The following MCM7 variants were observed in gnomAD, a reference collection of about 807,000 sequenced individuals.
The protein encoded by MCM7 is DNA replication licensing factor MCM7.
Under a neutral mutation model 83.5 loss-of-function variants are expected in MCM7, and 95 were observed. The ratio of observed to expected loss-of-function variants is 1.14; its 90% CI spans 0.96 to 1.35. The LOEUF (loss-of-function observed/expected upper bound fraction) is 1.35. MCM7 is among the 40% of genes most tolerant of loss of function. The probability of loss-of-function intolerance (pLI) is 0.00; values close to 1 mark genes in which losing one functional copy is unlikely to be tolerated. For synonymous variants in MCM7, 461 were observed against 352.7 expected (o/e 1.31, Z -3.44); for missense variants, 1,087 against 957.4 (o/e 1.14, Z -1.79).
Position 100,092,938 on chromosome 7 carries a change from A to C in MCM7, c.2154T>G (p.Phe718Leu), listed in dbSNP as rs765799672. 6.2e-7 allele frequency: 1 copy of C among 1,614,230 alleles called. No homozygotes were observed. Among genetic ancestry groups the C allele is most frequent in the South Asian group, 1.1e-5 (1 of 91,088 alleles). ...QVNASRTRIT[F>L]V ...GGTTGCAAGCAGGCTGGAATCAGAC[A>C]AAAGTGATCCGTGTCCGGGAAGCAT... is the stretch of plus-strand genomic sequence containing the variant. Residue 718 changes from phenylalanine to leucine, a missense_variant, in exon 15 of 15, where the codon TTT becomes TTG. Transcript: ENST00000303887.
chr7:100,096,199 A>G (rs1224062135), intron 10 of MCM7, 32 bp from the exon 11 acceptor site: 1 of 1,521,782 alleles, frequency 6.6e-7, no homozygotes, highest in Non-Finnish European at 8.8e-7. Context: ...ACCATGAGAG[A>G]GAAAGAACAA....
intron 2 of MCM7, 97 bp downstream of exon 2, chr7:100,099,917 C>G (rs1795864957): frequency 7.0e-7 from 1 of 1,436,880 alleles, no homozygotes; most frequent in Non-Finnish European, 9.7e-7. Context: ...CCCTCAAACC[C>G]TCTAATTGTT....
chr7:100,096,224 A>G lies in MCM7; in HGVS notation c.1202-57T>C, dbSNP rs962446733. On this transcript the variant is annotated intron_variant, in intron 10 of 14. Transcript: ENST00000303887. ...AGAAAGAACAAGAAAGAGAACAAGC[A>G]AAAGACAACAAACGGGCCAGGGAGG... is the stretch of plus-strand genomic sequence containing the variant. 1.4e-5 allele frequency: 21 copies of G among 1,498,846 alleles called. No homozygotes were observed. In the Admixed American group the frequency reaches 2.5e-4, roughly 18 times the overall value. 92.8% of individuals were successfully genotyped at this position (1,498,846 alleles called of 1,614,324 possible). A position where few individuals can be genotyped will look rare whatever the true frequency, so the allele number is the denominator to read the frequency against.
At position 100,099,588 on chromosome 7, in the gene MCM7, C is replaced by T. The variant is rs1432148444; in HGVS notation, c.276+1G>A. On this transcript the variant is annotated splice_donor_variant, in intron 3 of 14. Coordinates refer to ENST00000303887, the MANE Select transcript of MCM7 (RefSeq NM_005916.5). LOFTEE classifies it high-confidence loss of function. ...TTTGCCATTGTTCTCTAACCACTCA[C>T]TTCCCTCTCCTTGTACTGAGGCAGC... The T allele has an allele frequency of 6.2e-7, 1 of 1,613,622 alleles. No individual in the cohort carries two copies. The highest frequency in any genetic ancestry group is 1.3e-5 in the African/African-American group (1 of 74,906).
Position 100,098,460 on chromosome 7 carries a change from C to T in MCM7, c.720+118G>A, listed in dbSNP as rs1795760811. The T allele has an allele frequency of 3.3e-6, 5 of 1,517,718 alleles. No individual in the cohort carries two copies. The African/African-American group carries it at 4.1e-5, about 13-fold the overall frequency. 94.0% of individuals were successfully genotyped at this position (1,517,718 alleles called of 1,614,324 possible). On this transcript the variant is annotated intron_variant, in intron 6 of 14. Transcript: ENST00000303887. ...CAAGGCTCCCAGGAAATTCTAGTTC[C>T]ACCTCCCTCCTGCACTTCCCTCTTT...
In MCM7 at chr7:100,101,262, A is replaced by C. The variant is rs1418448760; in HGVS notation, c.31+2T>G. The C allele has an allele frequency of 6.2e-7, 1 of 1,613,060 alleles. No homozygotes were observed. Among genetic ancestry groups the C allele is most frequent in the South Asian group, 1.1e-5 (1 of 91,086 alleles). On this transcript the variant is annotated splice_donor_variant, in intron 1 of 14. Coordinates refer to ENST00000303887, the MANE Select transcript of MCM7 (RefSeq NM_005916.5). LOFTEE classifies it high-confidence loss of function. Reference sequence around the variant, plus strand: ...CGCCCTCCCGGGCTCGTAGACCCGTACCCTTCTCTAGCGCGTAGTCCTTCA... The same window carrying C: ...CGCCCTCCCGGGCTCGTAGACCCGTCCCCTTCTCTAGCGCGTAGTCCTTCA...
intron 10 of MCM7, among the ~76,000 whole-genome samples, chr7:100,097,082 A>C (rs1287940195): frequency 6.6e-6 from 1 of 152,180 alleles, no homozygotes; most frequent in African/African-American, 2.4e-5. Context: ...GCCTGGGCGA[A>C]AGAGCAAGCC....
Position 100,101,254 on chromosome 7 carries a change from A to G in MCM7, c.31+10T>C. On this transcript the variant is annotated intron_variant, in intron 1 of 14. Coordinates refer to ENST00000303887, the MANE Select transcript of MCM7 (RefSeq NM_005916.5). Reference sequence around the variant, plus strand: ...GCGCAGGACGCCCTCCCGGGCTCGTAGACCCGTACCCTTCTCTAGCGCGTA... The same window carrying G: ...GCGCAGGACGCCCTCCCGGGCTCGTGGACCCGTACCCTTCTCTAGCGCGTA... The G allele has an allele frequency of 6.2e-7, 1 of 1,613,104 alleles. No homozygotes were observed.
chr7:100,094,005 G>T, intron 13 of MCM7, 168 bp downstream of exon 13: 1 of 888,658 alleles, frequency 1.1e-6, no homozygotes, highest in East Asian at 2.4e-5. Flanking sequence ...TGCTGGAGCA[G>T]CAAGTACCCA....
intron 5 of MCM7, 150 bp downstream of exon 5, chr7:100,098,873 G>A (rs868352739): frequency 6.8e-6 from 9 of 1,332,032 alleles, no homozygotes; most frequent in Non-Finnish European, 9.2e-6. Flanking sequence ...CCAGAAAATA[G>A]GTAGAAAGAC....
chr7:100,093,123 G>A lies in MCM7; in HGVS notation c.1969C>T (p.Pro657Ser), dbSNP rs1314985449. The change falls in exon 15 of 15, where the codon CCA becomes TCA. Residue 657 changes from proline (P) to serine (S), a missense_variant. Coordinates refer to ENST00000303887, the MANE Select transcript of MCM7 (RefSeq NM_005916.5). ...ACGGTGGCAAATATCACATCTGCTG[G>A]TCTCTGAGTCCTGAAGGAAATGAGT... The part of the protein sequence containing the change: ...DKGQTARTQR[P>S]ADVIFATVRE... 5 of 1,613,770 alleles carry A rather than the reference G, an allele frequency of 3.1e-6. No homozygotes were observed. The highest frequency in any genetic ancestry group is 1.1e-5 in the South Asian group (1 of 91,058).
Position 100,092,979 on chromosome 7 carries a change from T to A in MCM7, c.2113A>T (p.Asn705Tyr). 6 of 1,614,142 alleles carry A rather than the reference T, an allele frequency of 3.7e-6. No homozygotes were observed. The highest frequency in any genetic ancestry group is 5.1e-6 in the Non-Finnish European group (6 of 1,180,014). Residue 705 changes from asparagine (N) to tyrosine (Y), a missense_variant, in exon 15 of 15, where the codon AAT becomes TAT. Coordinates refer to ENST00000303887, the MANE Select transcript of MCM7 (RefSeq NM_005916.5). ...QAALDEYEELNVWQVNASRTR... is the reference protein window; with the variant it reads ...QAALDEYEELYVWQVNASRTR... ...CGGGAAGCATTGACCTGCCAGACATTGAGCTCCTCATATTCATCCAGAGCC... is the reference window on the plus strand; with the variant it reads ...CGGGAAGCATTGACCTGCCAGACATAGAGCTCCTCATATTCATCCAGAGCC...
chr7:100,097,294 T>C lies in MCM7; in HGVS notation c.1201+7A>G. ...ATATTCACCTCCCGCAAAGCCCAAC[T>C]ACTTACTGCGAGGCGCCAGTCGATC... On this transcript the variant is annotated splice_region_variant and intron_variant, in intron 10 of 14. Coordinates refer to ENST00000303887, the MANE Select transcript of MCM7 (RefSeq NM_005916.5). The C allele has an allele frequency of 6.2e-7, 1 of 1,613,806 alleles. No individual in the cohort carries two copies. Among genetic ancestry groups the C allele is most frequent in the East Asian group, 2.2e-5 (1 of 44,874 alleles).
Position 100,097,609 on chromosome 7 carries a change from C to T in MCM7, c.1117+5G>A, listed in dbSNP as rs1458843270. ...ACCCTGAGCCTCTCCCTTGTTTCTT[C>T]TTACCCCGGATTTTCATGCCTCGAG... On this transcript the variant is annotated splice_donor_5th_base_variant and intron_variant, in intron 9 of 14. Transcript: ENST00000303887. The T allele has an allele frequency of 6.2e-7, 1 of 1,613,558 alleles. No homozygotes were observed. Among genetic ancestry groups the T allele is most frequent in the South Asian group, 1.1e-5 (1 of 91,056 alleles).
At chr7:100,100,686 C>T (rs971543652) in intron 1 of MCM7, 1 of 990,080 alleles carries the variant, frequency 1.0e-6, no homozygotes, top group Non-Finnish European at 1.2e-6. Flanking sequence ...AGCTCCGGAT[C>T]CCAGGCACGC....
Position 100,099,322 on chromosome 7 carries a change from G to A in MCM7, c.358C>T (p.Arg120Ter), listed in dbSNP as rs779455612. 3.7e-6 allele frequency: 6 copies of A among 1,613,562 alleles called. No homozygotes were observed. The African/African-American group carries it at 4.0e-5, about 11-fold the overall frequency. The part of the protein sequence containing the change: ...EQRSRDPGMV[R>*]SPQNQYPAEL... The stretch of plus-strand genomic sequence containing the variant: ...GCAGGGTACTGGTTCTGGGGGCTTC[G>A]GACCATCCCAGGGTCCCGACTCCGC... Residue 120 changes from arginine (R) to a stop codon, truncating the protein, a stop_gained, in exon 4 of 15, where the codon CGA becomes TGA. Coordinates refer to ENST00000303887, the MANE Select transcript of MCM7 (RefSeq NM_005916.5). LOFTEE classifies it high-confidence loss of function.
intron 13 of MCM7, chr7:100,093,824 C>G: frequency 1.6e-6 from 1 of 626,610 alleles, no homozygotes; most frequent in Non-Finnish European, 3.1e-6. Flanking sequence ...ACTACCTGCA[C>G]GAACAGCACT....
chr7:100,100,280 G>C, intron 1 of MCM7, 187 bp from the exon 2 acceptor site: 12 of 1,367,910 alleles, frequency 8.8e-6, no homozygotes, highest in Non-Finnish European at 1.0e-5. Flanking sequence ...AGAATAAAGA[G>C]CCCGTGGCAG....
chr7:100,093,863 C>T (rs373544137), intron 13 of MCM7: 15 of 644,956 alleles, frequency 2.3e-5, no homozygotes, highest in Middle Eastern at 2.6e-4. Flanking sequence ...AGGTCCAAGA[C>T]GGGAGGACAG....
Sources: allele counts gnomAD v4.1 joint callset (sites outside exome capture counted in the v4.1 genomes callset), GRCh38; gene constraint gnomAD v4.1.1; transcripts MANE v1.5; gene names NCBI Gene and HGNC (gene_info 2026-07-23, HGNC 2026-07-21).